The following RBFOX1 variants were observed in gnomAD, a reference collection of about 807,000 sequenced individuals.
RBFOX1 encodes the protein RNA binding fox-1 homolog 1.
In RBFOX1, 8 loss-of-function variants were observed where a neutral mutation model predicts 57.7. The ratio of observed to expected loss-of-function variants is 0.14; its 90% CI spans 0.08 to 0.25. The LOEUF is 0.25. RBFOX1 is among the 10% of genes least tolerant of loss of function. The pLI is 1.00. For missense variants in RBFOX1, 611 were observed against 548.5 expected (o/e 1.11, Z -1.14); for synonymous variants, 326 against 222.4 (o/e 1.47, Z -4.15).
At chr16:7,073,959 C>A (rs1019552830) in intron 4 of RBFOX1, among the ~76,000 whole-genome samples, 10 of 152,124 alleles carry the variant, frequency 6.6e-5, no homozygotes, top group African/African-American at 2.2e-4. Flanking sequence ...TGAGACAGCT[C>A]CCTGTTTCTG....
chr16:7,093,014 G>A (rs989170618), intron 4 of RBFOX1, among the ~76,000 whole-genome samples: 1 of 152,178 alleles, frequency 6.6e-6, no homozygotes. Context: ...AAACATTTTT[G>A]TTTTGGAGAG....
intron 1 of RBFOX1, among the ~76,000 whole-genome samples, chr16:6,254,745 ATAAAT>A (rs1033388147): frequency 6.6e-6 from 1 of 152,206 alleles, no homozygotes; most frequent in African/African-American, 2.4e-5. Flanking sequence ...TAAAATTAAC[ATAAAT>A]TAAAACAATA....
chr16:6,087,570 A>T (rs1367632926), intron 1 of RBFOX1, among the ~76,000 whole-genome samples: 1 of 152,098 alleles, frequency 6.6e-6, no homozygotes, highest in African/African-American at 2.4e-5. Flanking sequence ...GTCCTTCCGA[A>T]GTGTAATACT....
At chr16:6,480,572 G>A (rs1323922147) in intron 2 of RBFOX1, among the ~76,000 whole-genome samples, 1 of 152,166 alleles carries the variant, frequency 6.6e-6, no homozygotes, top group Non-Finnish European at 1.5e-5. Flanking sequence ...CAGAAACAGA[G>A]AATGGCTGAG....
In RBFOX1 at chr16:5,342,607, A is replaced by G. The variant is rs566148320; in HGVS notation, c.219+102502A>G. Among the ~76,000 whole-genome samples, 539 of 152,298 alleles carry G rather than the reference A, an allele frequency of 3.5e-3. 2 individuals are homozygous for G. Among genetic ancestry groups the G allele is most frequent in the African/African-American group, 0.013 (520 of 41,556 alleles). On this transcript the variant is annotated intron_variant, in intron 1 of 2. Transcript: ENST00000585867. ...AAACAGGGAAAGGACTCAAAAATGC[A>G]AAATGCTGCAAGTACCACTGAGAAC...
chr16:6,481,337 G>T (rs970356681), intron 2 of RBFOX1, among the ~76,000 whole-genome samples: 1 of 152,226 alleles, frequency 6.6e-6, no homozygotes, highest in East Asian at 1.9e-4. Context: ...CCTTGCACAT[G>T]AGAATAGCAA....
intron 1 of RBFOX1, among the ~76,000 whole-genome samples, chr16:5,261,248 G>A (rs549884772): frequency 6.6e-6 from 1 of 152,214 alleles, no homozygotes; most frequent in African/African-American, 2.4e-5. Flanking sequence ...TTTTCTTTCT[G>A]TTCTGCAATC....
intron 3 of RBFOX1, among the ~76,000 whole-genome samples, chr16:6,841,962 C>T (rs1376312298): frequency 7.2e-6 from 1 of 138,148 alleles, no homozygotes; most frequent in African/African-American, 2.9e-5. Flanking sequence ...TACGGTGAAA[C>T]CCCGTCTCTA....
chr16:6,825,691 G>C (rs1025849340), intron 3 of RBFOX1, among the ~76,000 whole-genome samples: 1 of 152,132 alleles, frequency 6.6e-6, no homozygotes, highest in Non-Finnish European at 1.5e-5. Flanking sequence ...CACAAGGAAA[G>C]AACCTAGTAG....
intron 2 of RBFOX1, among the ~76,000 whole-genome samples, chr16:6,527,747 T>C (rs1456710377): frequency 6.6e-6 from 1 of 151,998 alleles, no homozygotes; most frequent in African/African-American, 2.4e-5. Context: ...CCCAGAGTGT[T>C]TTGTCTCTCA....
intron 1 of RBFOX1, among the ~76,000 whole-genome samples, chr16:6,201,264 A>G (rs1185352120): frequency 6.6e-6 from 1 of 152,170 alleles, no homozygotes; most frequent in Non-Finnish European, 1.5e-5. Context: ...GCTGCAATGA[A>G]CATAGAGGTG....
chr16:6,861,450 C>G (rs879424474), intron 3 of RBFOX1, among the ~76,000 whole-genome samples: 7 of 151,750 alleles, frequency 4.6e-5, no homozygotes, highest in Non-Finnish European at 7.4e-5. Flanking sequence ...AGGCCTGACT[C>G]TCTTTTCCAA....
intron 3 of RBFOX1, among the ~76,000 whole-genome samples, chr16:6,655,743 T>G (rs1451195211): frequency 2.0e-5 from 3 of 152,184 alleles, no homozygotes; most frequent in Non-Finnish European, 4.4e-5. Flanking sequence ...TGGCTACTTT[T>G]GACATCGTTC....
chr16:5,264,403 C>T (rs1417836398), intron 1 of RBFOX1, among the ~76,000 whole-genome samples: 1 of 152,042 alleles, frequency 6.6e-6, no homozygotes, highest in Non-Finnish European at 1.5e-5. Flanking sequence ...CTGATGAGAG[C>T]AGTGGTCCCC....
chr16:7,411,921 AAAAG>A (rs1247641899), intron 4 of RBFOX1, among the ~76,000 whole-genome samples: 66 of 141,696 alleles, frequency 4.7e-4, no homozygotes, highest in Middle Eastern at 3.8e-3. Flanking sequence ...AAAAAAAAAA[AAAAG>A]ATAGGGAAAA....
chr16:7,438,282 G>A (rs1328354798), intron 4 of RBFOX1, among the ~76,000 whole-genome samples: 2 of 152,128 alleles, frequency 1.3e-5, no homozygotes, highest in Non-Finnish European at 2.9e-5. Context: ...GTTTGCCAGG[G>A]ATGGGGATGG....
intron 3 of RBFOX1, among the ~76,000 whole-genome samples, chr16:6,929,065 C>G (rs2076095846): frequency 6.6e-6 from 1 of 152,142 alleles, no homozygotes; most frequent in Admixed American, 6.6e-5. Context: ...CAGGAAAACA[C>G]CATGCTTGCC....
chr16:6,572,706 C>T (rs1025952448), intron 2 of RBFOX1, among the ~76,000 whole-genome samples: 3 of 152,072 alleles, frequency 2.0e-5, no homozygotes, highest in Non-Finnish European at 2.9e-5. Flanking sequence ...GATTCTCTTG[C>T]CTCAGCCTCC....
chr16:6,048,861 G>A (rs1478613096), intron 1 of RBFOX1, among the ~76,000 whole-genome samples: 6 of 152,008 alleles, frequency 3.9e-5, no homozygotes, highest in Non-Finnish European at 8.8e-5. Context: ...TTTCATAAGG[G>A]CATGGAATAT....
Sources: allele counts gnomAD v4.1 joint callset (sites outside exome capture counted in the v4.1 genomes callset), GRCh38; gene constraint gnomAD v4.1.1; transcripts MANE v1.5; gene names NCBI Gene and HGNC (gene_info 2026-07-23, HGNC 2026-07-21).